TMEM270: variants seen among roughly 807,000 people sequenced by gnomAD.
The protein encoded by TMEM270 is Williams-Beuren syndrome chromosome region 28.
A neutral mutation model predicts 29.9 loss-of-function variants in TMEM270; 30 were observed. The ratio of observed to expected loss-of-function variants is 1.00; its 90% CI spans 0.75 to 1.36. The LOEUF is 1.36. Ranked by LOEUF, TMEM270 falls within the 40% of genes most tolerant of loss-of-function variation. The probability of loss-of-function intolerance (pLI) is 0.00; values close to 1 mark genes in which losing one functional copy is unlikely to be tolerated. For synonymous variants in TMEM270, 135 were observed against 139.8 expected, an observed-to-expected ratio of 0.97 and a Z score of 0.24; for missense variants, 313 against 307.1, an observed-to-expected ratio of 1.02 and a Z score of -0.14.
chr7:73,865,557 C>T lies in TMEM270; in HGVS notation c.502-20C>T. 3 of 1,609,496 alleles carry T rather than the reference C, an allele frequency of 1.9e-6. No individual in the cohort carries two copies. Among genetic ancestry groups the T allele is most frequent in the Non-Finnish European group, 2.5e-6 (3 of 1,177,008 alleles). ...TATGAGCTCCTAAGGGCCACCTGCCCATCTGTCTCCCTGTTCCAGGCCTTG... is the reference window on the plus strand; with the variant it reads ...TATGAGCTCCTAAGGGCCACCTGCCTATCTGTCTCCCTGTTCCAGGCCTTG... On this transcript the variant is annotated intron_variant, in intron 2 of 2. Transcript: ENST00000320531.
Position 73,865,403 on chromosome 7 carries a change from G to A in TMEM270, c.483G>A (p.Leu161=). ...GTCAGAAGTCCCACTGCTTCCGACT[G>A]GGCAGGCAGCTCAGTAAGGTGGGTG... ...RVCQKSHCFR[L]GRQLSKALQV... Residue 161 remains leucine, a synonymous_variant, in exon 2 of 3, where the codon CTG becomes CTA. Transcript: ENST00000320531. 6.2e-7 allele frequency: 1 copy of A among 1,611,648 alleles called. No homozygotes were observed. Among genetic ancestry groups the A allele is most frequent in the South Asian group, 1.1e-5 (1 of 90,822 alleles).
chr7:73,864,848 A>G (rs949908955), intron 1 of TMEM270, 145 bp from the exon 2 acceptor site: 18 of 681,238 alleles, frequency 2.6e-5, no homozygotes, highest in Admixed American at 5.8e-5. Context: ...GGTTGCAGTG[A>G]GCCGAGATAG....
intron 1 of TMEM270, among the ~76,000 whole-genome samples, chr7:73,864,776 G>A (rs1310763395): frequency 1.3e-5 from 2 of 152,038 alleles, no homozygotes; most frequent in South Asian, 2.1e-4. Flanking sequence ...GGTGGCAGGC[G>A]CCTGTAATCC....
chr7:73,864,258 T>TAA lies in TMEM270; in HGVS notation c.73-717_73-716dup, dbSNP rs71519311. Among the ~76,000 whole-genome samples the TAA allele has an allele frequency of 3.6e-3, 479 of 131,396 alleles. 5 individuals are homozygous for TAA. The highest frequency in any genetic ancestry group is 0.012 in the African/African-American group (449 of 35,962). 86.2% of individuals were successfully genotyped at this position (131,396 alleles called of 152,430 possible). On this transcript the variant is annotated intron_variant, in intron 1 of 2. Transcript: ENST00000320531. ...GGCATAATAAGAAGACTCCATTTCT[T>TAA]AAAAAAAAAAAAAAAAAAATTAGCC... is the stretch of plus-strand genomic sequence containing the variant.
intron 2 of TMEM270, 48 bp downstream of exon 2, chr7:73,865,469 T>C (rs1554639855): frequency 6.3e-7 from 1 of 1,584,256 alleles, no homozygotes; most frequent in Non-Finnish European, 8.6e-7. Context: ...AAACCTGGGG[T>C]ACTGGGTGTG....
chr7:73,864,912 A>AAG (rs1554639702), intron 1 of TMEM270, 81 bp from the exon 2 acceptor site: 12 of 1,303,466 alleles, frequency 9.2e-6, no homozygotes, highest in African/African-American at 1.5e-5. Flanking sequence ...TCAAAAAAAA[A>AAG]AAAAAGAAAA....
At position 73,865,013 on chromosome 7, in the gene TMEM270, C is replaced by T. The variant is rs202209070; in HGVS notation, c.93C>T (p.His31=). 1 of 1,511,536 alleles carries T rather than the reference C, an allele frequency of 6.6e-7. No individual in the cohort carries two copies. Among genetic ancestry groups the T allele is most frequent in the East Asian group, 2.3e-5 (1 of 43,796 alleles). 93.6% of individuals were successfully genotyped at this position (1,511,536 alleles called of 1,614,324 possible). A position where few individuals can be genotyped will look rare whatever the true frequency, so the allele number is the denominator to read the frequency against. The part of the protein sequence containing the change: ...LSVLLVQNRD[H]LYNFLLLKIN... The stretch of plus-strand genomic sequence containing the variant: ...TGCAGTTGGTTCAGAACCGAGATCA[C>T]CTCTATAATTTCCTGCTCCTCAAGA... Residue 31 remains histidine, a synonymous_variant, in exon 2 of 3, where the codon CAC becomes CAT. Transcript: ENST00000320531.
rs369298924 is a variant in TMEM270 at position 73,864,113 on chromosome 7, A to AC, written c.73-879dup. Among the ~76,000 whole-genome samples, 433 of 85,920 alleles carry AC rather than the reference A, an allele frequency of 5.0e-3. 9 individuals are homozygous for AC. The highest frequency in any genetic ancestry group is 0.017 in the African/African-American group (401 of 23,840). The allele number at this position is 85,920 out of a possible 152,430, so 56.4% of individuals were successfully genotyped here. ...GATAACATAGCAAGACCCCGCCTCT[A>AC]CAAAAAAAAAAAAAAAAAAAAAAAT... On this transcript the variant is annotated intron_variant, in intron 1 of 2. Transcript: ENST00000320531.
chr7:73,861,298 G>GGC, intron 1 of TMEM270, 32 bp downstream of exon 1: 6 of 1,441,564 alleles, frequency 4.2e-6, no homozygotes, highest in Non-Finnish European at 5.8e-6. Context: ...GTGGGGTGGG[G>GGC]ACCACACACC....
chr7:73,861,161 T>C lies in TMEM270; in HGVS notation c.-34T>C, dbSNP rs1788765944. ...TGTGGCATCTGTGAGGTCACCCTGC[T>C]TCTCCCAGCTGGAGTAGGTGGGGGA... On this transcript the variant is annotated 5_prime_UTR_variant, in exon 1 of 3. Coordinates refer to ENST00000320531, the MANE Select transcript of TMEM270 (RefSeq NM_182504.4). 1 of 1,609,870 alleles carries C rather than the reference T, an allele frequency of 6.2e-7. No individual in the cohort carries two copies. Among genetic ancestry groups the C allele is most frequent in the South Asian group, 1.1e-5 (1 of 90,966 alleles).
chr7:73,863,171 C>T (rs1435363342), intron 1 of TMEM270, among the ~76,000 whole-genome samples: 1 of 152,074 alleles, frequency 6.6e-6, no homozygotes, highest in East Asian at 1.9e-4. Context: ...AGTGGGGGGT[C>T]TTGCAGCCAA....
chr7:73,865,251 C>A lies in TMEM270; in HGVS notation c.331C>A (p.Leu111Met), dbSNP rs782013187. 11 of 1,613,470 alleles carry A rather than the reference C, an allele frequency of 6.8e-6. No individual in the cohort carries two copies. The highest frequency in any genetic ancestry group is 9.3e-6 in the Non-Finnish European group (11 of 1,180,036). The stretch of plus-strand genomic sequence containing the variant: ...GTGGGGCAGCACCAAGGGCCTGGGC[C>A]TGGCCTTGCTCAGTGCCTGGGAGCA... ...GMWGSTKGLG[L>M]ALLSAWEQLG... Residue 111 changes from leucine (L) to methionine (M), a missense_variant, in exon 2 of 3, where the codon CTG (leucine) becomes ATG (methionine). Coordinates refer to ENST00000320531, the MANE Select transcript of TMEM270 (RefSeq NM_182504.4).
chr7:73,861,146 G>A (rs1788765517), upstream of TMEM270: 1 of 1,598,416 alleles, frequency 6.3e-7, no homozygotes. Flanking sequence ...TGTGGCATCT[G>A]TGAGGTCACC....
Position 73,865,236 on chromosome 7 carries a change from AC to A in TMEM270, c.318del (p.Lys107ArgfsTer32). 1 of 1,613,674 alleles carries A rather than the reference AC, an allele frequency of 6.2e-7. No homozygotes were observed. Among genetic ancestry groups the A allele is most frequent in the South Asian group, 1.1e-5 (1 of 91,084 alleles). On this transcript the variant is annotated frameshift_variant, in exon 2 of 3. Coordinates refer to ENST00000320531, the MANE Select transcript of TMEM270 (RefSeq NM_182504.4). LOFTEE classifies it high-confidence loss of function. ...GATGTGGGCTGGCATGTGGGGCAGC[AC>A]CAAGGGCCTGGGCCTGGCCTTGCTC... The part of the protein sequence containing the change: ...RLMWAGMWGS[T>X]KGLGLALLSA...
At chr7:73,864,818 G>A (rs1165310418) in intron 1 of TMEM270, among the ~76,000 whole-genome samples, 175 bp from the exon 2 acceptor site, 1 of 150,842 alleles carries the variant, frequency 6.6e-6, no homozygotes, top group Non-Finnish European at 1.5e-5. Context: ...CAGGAGAATC[G>A]CCCGAAACCG....
intron 1 of TMEM270, 154 bp downstream of exon 1, chr7:73,861,420 C>A (rs1194019865): frequency 2.9e-6 from 2 of 687,608 alleles, no homozygotes; most frequent in Middle Eastern, 3.9e-4. Flanking sequence ...TCCCAGAAGC[C>A]CCACTCCAAA....
rs782456425 is a variant in TMEM270, at chr7:73,865,626, G to A, written c.551G>A (p.Arg184His). The A allele has an allele frequency of 1.8e-5, 29 of 1,614,178 alleles. No individual in the cohort carries two copies. Among genetic ancestry groups the A allele is most frequent in the South Asian group, 7.7e-5 (7 of 91,084 alleles). Residue 184 changes from arginine (R) to histidine (H), a missense_variant, in exon 3 of 3, where the codon CGT becomes CAT. Physicochemically the swap from Arg to His is conservative, Grantham distance 29. Transcript: ENST00000320531. ...AGGAAGCTCCTGGTACAGCTGAGAC[G>A]TCTGTATTGGTGGGTGGAGACTATG... ...VVRKLLVQLR[R>H]LYWWVETMTA...
chr7:73,861,572 C>G (rs1012028731), intron 1 of TMEM270: 2 of 527,576 alleles, frequency 3.8e-6, no homozygotes, highest in Non-Finnish European at 7.3e-6. Context: ...CCCTCAGCCT[C>G]CAAGTAGCCG....
rs1788875853 is a variant in TMEM270 at position 73,865,186 on chromosome 7, G to C, written c.266G>C (p.Trp89Ser). The change falls in exon 2 of 3, where the codon TGG becomes TCG. Residue 89 changes from tryptophan to serine, a missense_variant. Trp to Ser is a radical substitution (Grantham distance 177). Coordinates refer to ENST00000320531, the MANE Select transcript of TMEM270 (RefSeq NM_182504.4). ...CTGGCTCTGATACAGGTCCCCGTAT[G>C]GCTGGTGCTACAGGGACCCAGGCTG... Reference protein sequence around the residue: ...AGLALIQVPVWLVLQGPRLMW... With the variant: ...AGLALIQVPVSLVLQGPRLMW... The C allele has an allele frequency of 1.2e-6, 2 of 1,613,286 alleles. No homozygotes were observed. Among genetic ancestry groups the C allele is most frequent in the Non-Finnish European group, 1.7e-6 (2 of 1,179,456 alleles).
Sources: allele counts gnomAD v4.1 joint callset (sites outside exome capture counted in the v4.1 genomes callset), GRCh38; gene constraint gnomAD v4.1.1; transcripts MANE v1.5; gene names NCBI Gene and HGNC (gene_info 2026-07-23, HGNC 2026-07-21).